THSD7B: variants seen among roughly 807,000 people sequenced by gnomAD.
THSD7B encodes thrombospondin type-1 domain-containing protein 7B.
THSD7B carries 138 observed loss-of-function variants against 213.6 expected under a neutral mutation model. The observed-to-expected ratio is 0.65, with a 90% CI of 0.56 to 0.74. THSD7B has a LOEUF of 0.74. Among genes scored for constraint, THSD7B ranks in the 30% least tolerant of loss-of-function variants. The probability of loss-of-function intolerance (pLI) is 0.00; values close to 1 mark genes in which losing one functional copy is unlikely to be tolerated. For missense variants in THSD7B, 1,931 were observed against 1,991.5 expected (o/e 0.97, Z 0.58); for synonymous variants, 742 against 687.0 (o/e 1.08, Z -1.25).
chr2:137,655,450 T>C (rs1292160928), intron 21 of THSD7B, 51 bp from the exon 22 acceptor site: 7 of 1,549,650 alleles, frequency 4.5e-6, no homozygotes, highest in Non-Finnish European at 6.1e-6. Context: ...AGCCAAAACT[T>C]TGAGATGTGA....
intron 15 of THSD7B, among the ~76,000 whole-genome samples, chr2:137,547,849 G>T (rs1680771550): frequency 6.6e-6 from 1 of 151,902 alleles, no homozygotes; most frequent in South Asian, 2.1e-4. Context: ...ATTAAGAGAT[G>T]GTAGCATGGT....
chr2:137,268,667 C>A (rs1439229701), intron 10 of THSD7B, among the ~76,000 whole-genome samples: 4 of 152,186 alleles, frequency 2.6e-5, no homozygotes, highest in Middle Eastern at 3.4e-3. Flanking sequence ...TACTGCAGCC[C>A]ATTTTATCAG....
intron 12 of THSD7B, among the ~76,000 whole-genome samples, chr2:137,279,567 G>A (rs1457427667): frequency 6.6e-6 from 1 of 152,146 alleles, no homozygotes; most frequent in East Asian, 1.9e-4. Flanking sequence ...ATGAAATAAA[G>A]TGATCGATGC....
At chr2:137,190,306 A>T (rs746858912) in intron 7 of THSD7B, among the ~76,000 whole-genome samples, 7 of 152,212 alleles carry the variant, frequency 4.6e-5, no homozygotes, top group Non-Finnish European at 1.0e-4. Context: ...CGCTTAGTGC[A>T]TGATAGTTCA....
intron 15 of THSD7B, among the ~76,000 whole-genome samples, chr2:137,512,879 C>A (rs1362639363): frequency 2.0e-5 from 3 of 152,168 alleles, no homozygotes; most frequent in East Asian, 3.9e-4. Flanking sequence ...GTAAACTAAG[C>A]AGAAACAAGA....
intron 17 of THSD7B, among the ~76,000 whole-genome samples, chr2:137,572,903 A>G (rs1016896828): frequency 6.6e-6 from 1 of 152,004 alleles, no homozygotes; most frequent in Non-Finnish European, 1.5e-5. Context: ...GTCCTGTTCC[A>G]TTTTTATCCT....
chr2:137,643,290 C>A lies in THSD7B; in HGVS notation c.3945+657C>A, dbSNP rs80047119. ...CATTGTTTTTCCCTATTTTCTTATC[C>A]TAGTAGTTTATCCTTAGTTCATGTT... On this transcript the variant is annotated intron_variant, in intron 21 of 27. Coordinates refer to ENST00000409968, the MANE Select transcript of THSD7B (RefSeq NM_001316349.2). Among the ~76,000 whole-genome samples the A allele has an allele frequency of 0.011, 1,634 of 152,190 alleles. 81 individuals carry two copies. In the East Asian group the frequency reaches 0.12, roughly 11 times the overall value.
At chr2:137,623,416 C>T (rs542553262) in intron 20 of THSD7B, among the ~76,000 whole-genome samples, 1 of 152,246 alleles carries the variant, frequency 6.6e-6, no homozygotes, top group East Asian at 1.9e-4. Flanking sequence ...TGAAAACTGG[C>T]ACAAGACACA....
At chr2:137,225,514 G>T (rs1363493698) in intron 7 of THSD7B, among the ~76,000 whole-genome samples, 2 of 152,172 alleles carry the variant, frequency 1.3e-5, no homozygotes, top group African/African-American at 4.8e-5. Flanking sequence ...ACATATTGCA[G>T]ATCTGCTTTC....
intron 25 of THSD7B, among the ~76,000 whole-genome samples, chr2:137,660,049 C>T (rs745906173): frequency 7.2e-5 from 11 of 152,250 alleles, no homozygotes; most frequent in Admixed American, 3.3e-4. Flanking sequence ...ACCTTTTATA[C>T]GCCTCAACTA....
chr2:137,443,294 G>A (rs1687459185), intron 14 of THSD7B, among the ~76,000 whole-genome samples: 1 of 152,048 alleles, frequency 6.6e-6, no homozygotes. Flanking sequence ...GCTTGATTAG[G>A]TTGACACTGA....
intron 3 of THSD7B, among the ~76,000 whole-genome samples, chr2:137,060,730 G>A (rs1363996971): frequency 1.3e-5 from 2 of 151,688 alleles, no homozygotes; most frequent in Admixed American, 6.6e-5. Flanking sequence ...TCTATTATTT[G>A]TTAGTAACAC....
chr2:137,163,180 C>G (rs1280006264), intron 6 of THSD7B, among the ~76,000 whole-genome samples: 1 of 152,126 alleles, frequency 6.6e-6, no homozygotes, highest in Non-Finnish European at 1.5e-5. Flanking sequence ...CTCTATTTCT[C>G]TATAGTAAAA....
intron 17 of THSD7B, among the ~76,000 whole-genome samples, chr2:137,584,012 G>T (rs934999009): frequency 2.0e-5 from 3 of 148,076 alleles, no homozygotes; most frequent in Non-Finnish European, 3.0e-5. Flanking sequence ...TGTTTATTTT[G>T]TTGAGCAGTG....
At position 137,160,260 on chromosome 2, in the gene THSD7B, C is replaced by A; in HGVS notation, c.1417C>A (p.Pro473Thr). 1 of 1,613,680 alleles carries A rather than the reference C, an allele frequency of 6.2e-7. No homozygotes were observed. The highest frequency in any genetic ancestry group is 8.5e-7 in the Non-Finnish European group (1 of 1,179,708). The part of the protein sequence containing the change: ...KALCVGPAPL[P>T]SQLCNIPCST... Reference sequence around the variant, plus strand: ...ATTATGTGTGGGACCCGCCCCGTTGCCCTCTCAGCTCTGCAATATCCCTTG... The same window carrying A: ...ATTATGTGTGGGACCCGCCCCGTTGACCTCTCAGCTCTGCAATATCCCTTG... Residue 473 changes from proline to threonine, a missense_variant, in exon 6 of 28, where the codon CCC (proline) becomes ACC (threonine). Physicochemically the swap from Pro to Thr is conservative, Grantham distance 38. Coordinates refer to ENST00000409968, the MANE Select transcript of THSD7B (RefSeq NM_001316349.2).
chr2:137,175,465 G>C (rs1437486569), intron 7 of THSD7B, among the ~76,000 whole-genome samples: 1 of 152,022 alleles, frequency 6.6e-6, no homozygotes, highest in East Asian at 1.9e-4. Flanking sequence ...TGCATACAAG[G>C]TTTTTTTATT....
At position 137,616,191 on chromosome 2, in the gene THSD7B, C is replaced by T. The variant is rs750225278; in HGVS notation, c.3440C>T (p.Thr1147Ile). Residue 1147 changes from threonine to isoleucine, a missense_variant, in exon 18 of 28, where the codon ACA becomes ATA. Physicochemically the swap from Thr to Ile is moderately conservative, Grantham distance 89. Coordinates refer to ENST00000409968, the MANE Select transcript of THSD7B (RefSeq NM_001316349.2). ...SKCPQSCDPH[T>I]MQRRTRHLLR... Reference sequence around the variant, plus strand: ...TTTTAATAGTCATGCGATCCCCACACAATGCAGAGAAGAACTCGCCACCTG... The same window carrying T: ...TTTTAATAGTCATGCGATCCCCACATAATGCAGAGAAGAACTCGCCACCTG... The T allele has an allele frequency of 3.1e-6, 5 of 1,613,142 alleles. No homozygotes were observed. In the Admixed American group the frequency reaches 5.0e-5, roughly 16 times the overall value.
chr2:137,091,521 A>AT (rs371495091), intron 3 of THSD7B, among the ~76,000 whole-genome samples: 3 of 118,782 alleles, frequency 2.5e-5, no homozygotes, highest in Non-Finnish European at 6.0e-5. Context: ...ATTTTATTTT[A>AT]TTCATTCATT....
intron 1 of THSD7B, among the ~76,000 whole-genome samples, chr2:136,836,068 T>G (rs1181923779): frequency 6.6e-6 from 1 of 152,210 alleles, no homozygotes; most frequent in East Asian, 1.9e-4. Flanking sequence ...AGCTGTTGTC[T>G]GTTTTCAAAT....
Sources: gnomAD v4.1 joint callset for allele counts (sites outside exome capture counted in the v4.1 genomes callset) on GRCh38, gnomAD v4.1.1 for gene constraint, MANE v1.5 for transcripts, NCBI Gene and HGNC (gene_info 2026-07-23, HGNC 2026-07-21) for gene names.